The following LOXL3 variants were observed in gnomAD, a reference collection of about 807,000 sequenced individuals.
LOXL3 encodes the protein lysyl oxidase homolog 3.
A neutral mutation model predicts 91.8 loss-of-function variants in LOXL3; 60 were observed. The ratio of observed to expected loss-of-function variants is 0.65; its 90% CI spans 0.53 to 0.81. The LOEUF (loss-of-function observed/expected upper bound fraction) is 0.81, where lower values mean the gene tolerates loss of function less well. Among genes scored for constraint, LOXL3 ranks in the 30% least tolerant of loss-of-function variants. The pLI is 0.00. For missense variants in LOXL3, 874 were observed against 1,000.4 expected (o/e 0.87, Z 1.70); for synonymous variants, 355 against 387.6 (o/e 0.92, Z 0.99).
Position 74,535,248 on chromosome 2 carries a change from A to C in LOXL3, c.1579+44T>G. 6.3e-7 allele frequency: 1 copy of C among 1,579,886 alleles called. No individual in the cohort carries two copies. ...CCCTTTCCCTGCAAACGGGTGGCCC[A>C]GACACTCCCTTCCCTGGCATGCATC... is the stretch of plus-strand genomic sequence containing the variant. On this transcript the variant is annotated intron_variant, in intron 9 of 13. Coordinates refer to ENST00000264094, the MANE Select transcript of LOXL3 (RefSeq NM_032603.5). The surrounding 1 kb of genome is among the most constrained non-coding windows in gnomAD (Gnocchi z 4.2).
chr2:74,552,475 A>G lies in LOXL3; in HGVS notation c.160T>C (p.Tyr54His), dbSNP rs773322576. The change falls in exon 2 of 14, where the codon TAC (tyrosine) becomes CAC (histidine). Residue 54 changes from tyrosine to histidine, a missense_variant. Physicochemically the swap from Tyr to His is moderately conservative, Grantham distance 83. Coordinates refer to ENST00000264094, the MANE Select transcript of LOXL3 (RefSeq NM_032603.5). ...CGCTGTATCTCCACGCGGCCCTCGT[A>G]GGGCTTCCTGGGGAAGCCAGCCAGC... ...FRLAGFPRKP[Y>H]EGRVEIQRAG... 30 of 1,613,490 alleles carry G rather than the reference A, an allele frequency of 1.9e-5. No individual in the cohort carries two copies. Among genetic ancestry groups the G allele is most frequent in the Non-Finnish European group, 2.5e-5 (30 of 1,179,930 alleles).
chr2:74,535,596 C>G lies in LOXL3; in HGVS notation c.1408G>C (p.Gly470Arg). 6.2e-7 allele frequency: 1 copy of G among 1,614,042 alleles called. No individual in the cohort carries two copies. ...RQLGLGYANHGLQETWYWDSG... is the reference protein window; with the variant it reads ...RQLGLGYANHRLQETWYWDSG... Reference sequence around the variant, plus strand: ...CTTTCCTTCCCACTCACCTGCAGGCCGTGGTTGGCGTAGCCCAGACCCAGT... The same window carrying G: ...CTTTCCTTCCCACTCACCTGCAGGCGGTGGTTGGCGTAGCCCAGACCCAGT... The change falls in exon 8 of 14, where the codon GGC (glycine) becomes CGC (arginine). Residue 470 changes from glycine (G) to arginine (R), a missense_variant. Transcript: ENST00000264094. This position sits in a 1 kb window ranked among gnomAD's most constrained non-coding sequence, Gnocchi z 4.2.
At chr2:74,541,820 AAG>A (rs1676337496) in intron 4 of LOXL3, among the ~76,000 whole-genome samples, 1 of 150,608 alleles carries the variant, frequency 6.6e-6, no homozygotes, top group Non-Finnish European at 1.5e-5. Context: ...ATTTATATAA[AAG>A]AGTTTAGACC....
Position 74,532,725 on chromosome 2 carries a change from G to A in LOXL3, c.*881C>T. The A allele has an allele frequency of 6.2e-7, 1 of 1,612,878 alleles. No individual in the cohort carries two copies. The highest frequency in any genetic ancestry group is 8.5e-7 in the Non-Finnish European group (1 of 1,178,996). On this transcript the variant is annotated 3_prime_UTR_variant, in exon 14 of 14. Transcript: ENST00000264094. ...CTCCCCTGCACACCGGTGAGGGAGA[G>A]GCTGCAGTGTGATATGGGGATGGGC...
chr2:74,542,167 C>A (rs1676361269), intron 4 of LOXL3, among the ~76,000 whole-genome samples: 1 of 151,862 alleles, frequency 6.6e-6, no homozygotes, highest in Non-Finnish European at 1.5e-5. Flanking sequence ...GTGGCTCGAG[C>A]CTGTAGTTCC....
rs530612867 is a variant in LOXL3 at position 74,542,081 on chromosome 2, C to T, written c.693-5153G>A. Reference sequence around the variant, plus strand: ...GCTGAGGCAGGAGGACTGCTTGAGCCCAGAAGTTTGAGACCAGCCTGGGCA... The same window carrying T: ...GCTGAGGCAGGAGGACTGCTTGAGCTCAGAAGTTTGAGACCAGCCTGGGCA... On this transcript the variant is annotated intron_variant, in intron 4 of 13. Transcript: ENST00000264094. Among the ~76,000 whole-genome samples, 16 of 152,248 alleles carry T rather than the reference C, an allele frequency of 1.1e-4. 1 individual carries two copies. The South Asian group carries it at 3.3e-3, about 32-fold the overall frequency.
chr2:74,549,295 G>C lies in LOXL3; in HGVS notation c.692+74C>G. 4.1e-6 allele frequency: 6 copies of C among 1,460,200 alleles called. No individual in the cohort carries two copies. Among genetic ancestry groups the C allele is most frequent in the Non-Finnish European group, 5.5e-6 (6 of 1,099,782 alleles). The allele number at this position is 1,460,200 out of a possible 1,614,324, so 90.5% of individuals were successfully genotyped here. A position where few individuals can be genotyped will look rare whatever the true frequency, so the allele number is the denominator to read the frequency against. On this transcript the variant is annotated intron_variant, in intron 4 of 13. Transcript: ENST00000264094. The surrounding 1 kb of genome is among the most constrained non-coding windows in gnomAD (Gnocchi z 5.3). ...TCCTCCCGTGCCCCGGACCTGCTCA[G>C]ATGTCTCCCAAGGCTATTCATCAGG...
At position 74,538,142 on chromosome 2, in the gene LOXL3, G is replaced by A. The variant is rs554103186; in HGVS notation, c.693-1214C>T. 5.9e-5 allele frequency among the ~76,000 whole-genome samples: 9 copies of A among 152,326 alleles called. No homozygotes were observed. The South Asian group carries it at 1.7e-3, about 28-fold the overall frequency. On this transcript the variant is annotated intron_variant, in intron 4 of 13. Transcript: ENST00000264094. Reference sequence around the variant, plus strand: ...CACTCTCCCACAGTCCTGTTTGGCTGAAAGTAAAAGTCAAGGAGCCCATCA... The same window carrying A: ...CACTCTCCCACAGTCCTGTTTGGCTAAAAGTAAAAGTCAAGGAGCCCATCA...
In LOXL3 at chr2:74,535,292, T is replaced by C; in HGVS notation, c.1579A>G (p.Thr527Ala). The change falls in exon 9 of 14, where the codon ACT becomes GCT. Residue 527 changes from threonine (T) to alanine (A), a missense_variant and splice_region_variant. Coordinates refer to ENST00000264094, the MANE Select transcript of LOXL3 (RefSeq NM_032603.5). This position sits in a 1 kb window ranked among gnomAD's most constrained non-coding sequence, Gnocchi z 4.2. ...RFTAGVICSE[T>A]ASDLLLHSAL... is the part of the protein sequence containing the mutation. ...ATGCATCACCCCCTCCTTCACTCAC[T>C]CTCAGAACAGATGACTCCAGCAGTG... The C allele has an allele frequency of 1.2e-6, 2 of 1,612,920 alleles. No homozygotes were observed. The highest frequency in any genetic ancestry group is 2.2e-5 in the South Asian group (2 of 91,014).
chr2:74,549,680 C>G lies in LOXL3; in HGVS notation c.478-97G>C. On this transcript the variant is annotated intron_variant, in intron 3 of 13. Coordinates refer to ENST00000264094, the MANE Select transcript of LOXL3 (RefSeq NM_032603.5). The surrounding 1 kb of genome is among the most constrained non-coding windows in gnomAD (Gnocchi z 5.3). The stretch of plus-strand genomic sequence containing the variant: ...CCCTGCTTGGTGTGCCTGCTGTAAA[C>G]CCAGTGGCGGGATGGGCCCGAGGCG... 2 of 1,465,072 alleles carry G rather than the reference C, an allele frequency of 1.4e-6. No individual in the cohort carries two copies. The highest frequency in any genetic ancestry group is 1.4e-5 in the South Asian group (1 of 70,302). The allele number at this position is 1,465,072 out of a possible 1,614,324, so 90.8% of individuals were successfully genotyped here.
At chr2:74,555,172 G>A, upstream of LOXL3, 1 of 1,612,736 alleles carries the variant, frequency 6.2e-7, no homozygotes, top group Non-Finnish European at 8.5e-7. The surrounding 1 kb of genome is among the most constrained non-coding windows in gnomAD (Gnocchi z 6.1). Context: ...GAAGACCTGG[G>A]CCGTGCTCTA....
In LOXL3 at chr2:74,533,580, T is replaced by C; in HGVS notation, c.*26A>G. The C allele has an allele frequency of 6.2e-7, 1 of 1,609,096 alleles. No homozygotes were observed. On this transcript the variant is annotated 3_prime_UTR_variant, in exon 14 of 14. Transcript: ENST00000264094. The stretch of plus-strand genomic sequence containing the variant: ...TCAGACCCCTGCCATTAGGGGCCAG[T>C]GGTGGTTTGCAGAGGGCAGTGGCAC...
In LOXL3 at chr2:74,549,133, G is replaced by C. The variant is rs1298275234; in HGVS notation, c.692+236C>G. 3 of 398,482 alleles carry C rather than the reference G, an allele frequency of 7.5e-6. No individual in the cohort carries two copies. The highest frequency in any genetic ancestry group is 1.3e-5 in the Non-Finnish European group (3 of 229,500). 24.7% of individuals were successfully genotyped at this position (398,482 alleles called of 1,614,324 possible). A position where few individuals can be genotyped will look rare whatever the true frequency, so the allele number is the denominator to read the frequency against. On this transcript the variant is annotated intron_variant, in intron 4 of 13. Coordinates refer to ENST00000264094, the MANE Select transcript of LOXL3 (RefSeq NM_032603.5). The surrounding 1 kb of genome is among the most constrained non-coding windows in gnomAD (Gnocchi z 5.3). The stretch of plus-strand genomic sequence containing the variant: ...GAATCCGCCTGCCCGCCCAGGCGTC[G>C]GCCACGAGAGAGCGGGAGCCTCGCT...
rs1231646114 is a variant in LOXL3, at chr2:74,536,866, TC to T, written c.754del (p.Glu252ArgfsTer28). Reference sequence around the variant, plus strand: ...CAGGGAACAGAGGGAGAGGTGGGCCTCCGTGCCCACGCACGCCACCCCATGC... The same window carrying T: ...CAGGGAACAGAGGGAGAGGTGGGCCTCGTGCCCACGCACGCCACCCCATGC... The part of the protein sequence containing the change: ...GLHGVACVGT[E>X]AHLSLCSLEF... On this transcript the variant is annotated frameshift_variant, in exon 5 of 14. Coordinates refer to ENST00000264094, the MANE Select transcript of LOXL3 (RefSeq NM_032603.5). LOFTEE classifies it high-confidence loss of function. This position sits in a 1 kb window ranked among gnomAD's most constrained non-coding sequence, Gnocchi z 4.5. 3.1e-6 allele frequency: 5 copies of T among 1,614,036 alleles called. No individual in the cohort carries two copies. The Admixed American group carries it at 6.7e-5, about 22-fold the overall frequency.
Position 74,549,809 on chromosome 2 carries a change from A to T in LOXL3, c.478-226T>A. 3 of 1,411,640 alleles carry T rather than the reference A, an allele frequency of 2.1e-6. No individual in the cohort carries two copies. Among genetic ancestry groups the T allele is most frequent in the Non-Finnish European group, 2.8e-6 (3 of 1,087,414 alleles). The allele number at this position is 1,411,640 out of a possible 1,614,324, so 87.4% of individuals were successfully genotyped here. A position where few individuals can be genotyped will look rare whatever the true frequency, so the allele number is the denominator to read the frequency against. ...GCTCCCAGAGAGGATTCAGGGCACT[A>T]GGAAGGAGGCCCTCCCTGTGCCTGG... On this transcript the variant is annotated intron_variant, in intron 3 of 13. Coordinates refer to ENST00000264094, the MANE Select transcript of LOXL3 (RefSeq NM_032603.5). The surrounding 1 kb of genome is among the most constrained non-coding windows in gnomAD (Gnocchi z 5.3).
chr2:74,549,267 G>A lies in LOXL3; in HGVS notation c.692+102C>T. 7.6e-7 allele frequency: 1 copy of A among 1,315,482 alleles called. No individual in the cohort carries two copies. Among genetic ancestry groups the A allele is most frequent in the South Asian group, 1.7e-5 (1 of 58,682 alleles). 81.5% of individuals were successfully genotyped at this position (1,315,482 alleles called of 1,614,324 possible). On this transcript the variant is annotated intron_variant, in intron 4 of 13. Transcript: ENST00000264094. The surrounding 1 kb of genome is among the most constrained non-coding windows in gnomAD (Gnocchi z 5.3). ...TATTTTCCCGCGCGTCCCGACCCCC[G>A]GGTCCTCCCGTGCCCCGGACCTGCT...
At position 74,532,567 on chromosome 2, in the gene LOXL3, G is replaced by C. The variant is rs1315945986; in HGVS notation, c.*1039C>G. ...GATGAGAGACTTGAGGTGGAACTCA[G>C]GATGGGGAGAATGCCTGGGTTTGGC... is the stretch of plus-strand genomic sequence containing the variant. On this transcript the variant is annotated 3_prime_UTR_variant, in exon 14 of 14. Transcript: ENST00000264094. 1 of 1,429,712 alleles carries C rather than the reference G, an allele frequency of 7.0e-7. No homozygotes were observed. Among genetic ancestry groups the C allele is most frequent in the South Asian group, 1.2e-5 (1 of 85,710 alleles). 88.6% of individuals were successfully genotyped at this position (1,429,712 alleles called of 1,614,324 possible). A position where few individuals can be genotyped will look rare whatever the true frequency, so the allele number is the denominator to read the frequency against.
intron 1 of LOXL3, chr2:74,552,876 G>A: frequency 2.0e-6 from 1 of 511,622 alleles, no homozygotes; most frequent in Non-Finnish European, 3.5e-6. Flanking sequence ...CCAGAGATAA[G>A]AGACAACTAT....
intron 2 of LOXL3, among the ~76,000 whole-genome samples, chr2:74,550,982 A>AG (rs1676970980): frequency 6.7e-6 from 1 of 149,886 alleles, no homozygotes; most frequent in African/African-American, 2.5e-5. Flanking sequence ...GCCTAGGCTG[A>AG]AATGCAGTGG....
Sources: gnomAD v4.1 joint callset for allele counts (sites outside exome capture counted in the v4.1 genomes callset) on GRCh38, gnomAD v4.1.1 for gene constraint, Gnocchi (gnomAD v3.1) non-coding constraint, MANE v1.5 for transcripts, NCBI Gene and HGNC (gene_info 2026-07-23, HGNC 2026-07-21) for gene names.